Variants in DDAH1 observed in about 807,000 individuals in gnomAD.
DDAH1 encodes the protein dimethylarginine dimethylaminohydrolase 1, also known as N(G),N(G)-dimethylarginine dimethylaminohydrolase 1.
DDAH1 carries 19 observed loss-of-function variants against 28.8 expected under a neutral mutation model. The ratio of observed to expected loss-of-function variants is 0.66; its 90% CI spans 0.46 to 0.97. DDAH1 has a LOEUF of 0.97. DDAH1 is among the 50% of genes least tolerant of loss of function. DDAH1 has a pLI of 0.00. For synonymous variants in DDAH1, 153 were observed against 154.4 expected, an observed-to-expected ratio of 0.99 and a Z score of 0.07; for missense variants, 326 against 375.9, an observed-to-expected ratio of 0.87 and a Z score of 1.10.
At chr1:85,518,973 T>C (rs1220724108) in intron 1 of DDAH1, among the ~76,000 whole-genome samples, 1 of 152,084 alleles carries the variant, frequency 6.6e-6, no homozygotes, top group African/African-American at 2.4e-5. Flanking sequence ...GAGATAGAAC[T>C]GTGTTACTGA....
intron 1 of DDAH1, among the ~76,000 whole-genome samples, chr1:85,503,221 T>G (rs958823692): frequency 6.6e-6 from 1 of 152,226 alleles, no homozygotes; most frequent in Non-Finnish European, 1.5e-5. Context: ...TTCATTTGTT[T>G]GAAATGGAGT....
chr1:85,463,681 T>A (rs1452906719), intron 1 of DDAH1, among the ~76,000 whole-genome samples: 1 of 152,228 alleles, frequency 6.6e-6, no homozygotes, highest in Non-Finnish European at 1.5e-5. Flanking sequence ...ATAAGCATAT[T>A]TTATCATAAG....
intron 3 of DDAH1, 37 bp from the exon 4 acceptor site, chr1:85,350,571 G>A (rs746734648): frequency 3.1e-6 from 5 of 1,603,490 alleles, no homozygotes; most frequent in South Asian, 1.1e-5. Context: ...GTTTAGTATT[G>A]CAGAATAATT....
chr1:85,438,198 G>A (rs1654029192), intron 1 of DDAH1, among the ~76,000 whole-genome samples: 1 of 152,140 alleles, frequency 6.6e-6, no homozygotes, highest in Non-Finnish European at 1.5e-5. Flanking sequence ...GGTTGGTGGA[G>A]GAGGATGAGG....
chr1:85,547,241 C>T (rs1008740775), intron 1 of DDAH1, among the ~76,000 whole-genome samples: 18 of 152,138 alleles, frequency 1.2e-4, no homozygotes, highest in South Asian at 2.1e-4. Context: ...ATAGTACCTA[C>T]GTCAGAGGGC....
At chr1:85,449,571 TAG>T (rs1445569594) in intron 1 of DDAH1, among the ~76,000 whole-genome samples, 1 of 151,990 alleles carries the variant, frequency 6.6e-6, no homozygotes, top group Non-Finnish European at 1.5e-5. Flanking sequence ...CCAAGACAGC[TAG>T]AGAGAATGAT....
intron 4 of DDAH1, among the ~76,000 whole-genome samples, chr1:85,347,909 A>G (rs1222882885): frequency 2.6e-5 from 4 of 152,166 alleles, no homozygotes; most frequent in Non-Finnish European, 5.9e-5. Context: ...CTATTTCCTT[A>G]GGAGAGCTCA....
chr1:85,330,099 A>G (rs949274928), intron 4 of DDAH1, among the ~76,000 whole-genome samples: 4 of 152,270 alleles, frequency 2.6e-5, no homozygotes, highest in Admixed American at 2.0e-4. Flanking sequence ...TTTAGGAGAC[A>G]CATGTATGTA....
chr1:85,428,473 G>C (rs1010426591), intron 1 of DDAH1, among the ~76,000 whole-genome samples: 4 of 152,106 alleles, frequency 2.6e-5, no homozygotes, highest in Non-Finnish European at 5.9e-5. Flanking sequence ...TCGCCCCCAT[G>C]ATTCAATTAC....
intron 1 of DDAH1, among the ~76,000 whole-genome samples, chr1:85,413,199 TATG>T (rs1652738353): frequency 6.6e-6 from 1 of 152,228 alleles, no homozygotes; most frequent in South Asian, 2.1e-4. Flanking sequence ...GAACTGCATC[TATG>T]ATAAGTGGAA....
chr1:85,485,647 A>G (rs946431450), intron 2 of DDAH1, among the ~76,000 whole-genome samples: 5 of 152,190 alleles, frequency 3.3e-5, no homozygotes, highest in African/African-American at 1.2e-4. Flanking sequence ...TTTTGCTCAA[A>G]TGTATACTGA....
At chr1:85,523,986 A>T (rs1307189714) in intron 1 of DDAH1, among the ~76,000 whole-genome samples, 1 of 151,742 alleles carries the variant, frequency 6.6e-6, no homozygotes, top group Admixed American at 6.6e-5. Flanking sequence ...ACACTTATTG[A>T]GTATCTACTG....
chr1:85,450,235 T>C (rs1408290766), intron 1 of DDAH1, among the ~76,000 whole-genome samples: 1 of 152,248 alleles, frequency 6.6e-6, no homozygotes, highest in Non-Finnish European at 1.5e-5. Flanking sequence ...CATATTTGTT[T>C]ACTTTATGTT....
intron 1 of DDAH1, among the ~76,000 whole-genome samples, chr1:85,529,288 C>T (rs1657996206): frequency 6.6e-6 from 1 of 152,132 alleles, no homozygotes; most frequent in Non-Finnish European, 1.5e-5. Flanking sequence ...TCCAACTTAA[C>T]ACGTATGGTT....
chr1:85,551,541 AC>A (rs1390874562), intron 1 of DDAH1, among the ~76,000 whole-genome samples: 17 of 152,080 alleles, frequency 1.1e-4, no homozygotes, highest in Non-Finnish European at 1.3e-4. Context: ...TTCAACTTTC[AC>A]TCCTTCTTGT....
chr1:85,365,023 A>G (rs1190779570), intron 1 of DDAH1, among the ~76,000 whole-genome samples: 1 of 152,222 alleles, frequency 6.6e-6, no homozygotes, highest in Non-Finnish European at 1.5e-5. Flanking sequence ...TGGTAACAGC[A>G]AACATTTATA....
At chr1:85,354,569 A>G (rs1649390565) in intron 2 of DDAH1, among the ~76,000 whole-genome samples, 1 of 152,176 alleles carries the variant, frequency 6.6e-6, no homozygotes, top group Non-Finnish European at 1.5e-5. Flanking sequence ...CATAAAGGAA[A>G]GAAAAGCTAA....
chr1:85,481,400 A>G (rs796129238), intron 2 of DDAH1, among the ~76,000 whole-genome samples: 2 of 152,240 alleles, frequency 1.3e-5, no homozygotes, highest in African/African-American at 4.8e-5. Flanking sequence ...CCCAGCCTAA[A>G]GACAATTTCT....
intron 4 of DDAH1, among the ~76,000 whole-genome samples, 182 bp downstream of exon 4, chr1:85,350,233 C>T (rs769424924): frequency 6.6e-6 from 1 of 152,070 alleles, no homozygotes; most frequent in Non-Finnish European, 1.5e-5. Context: ...GTTCTTCCTA[C>T]ACTTAGGTGT....
Sources: allele counts gnomAD v4.1 joint callset (sites outside exome capture counted in the v4.1 genomes callset), GRCh38; gene constraint gnomAD v4.1.1; transcripts MANE v1.5; gene names NCBI Gene and HGNC (gene_info 2026-07-23, HGNC 2026-07-21).